Variants in SPAG16 observed in about 807,000 individuals in gnomAD.
SPAG16 encodes the protein sperm associated antigen 16.
Under a neutral mutation model 80.4 loss-of-function variants are expected in SPAG16, and 86 were observed. The observed-to-expected ratio is 1.07, with a 90% CI of 0.90 to 1.28. The LOEUF (loss-of-function observed/expected upper bound fraction) is 1.28. Among genes scored for constraint, SPAG16 ranks in the 50% most tolerant of loss-of-function variants. SPAG16 has a pLI of 0.00. For synonymous variants in SPAG16, 294 were observed against 265.9 expected (o/e 1.11, Z -1.03); for missense variants, 870 against 765.3 (o/e 1.14, Z -1.61).
intron 10 of SPAG16, among the ~76,000 whole-genome samples, chr2:213,752,179 G>A (rs886514510): frequency 1.3e-5 from 2 of 152,074 alleles, no homozygotes; most frequent in Non-Finnish European, 2.9e-5. Context: ...GACATATTCC[G>A]TTGATTTTTC....
At chr2:213,504,253 A>G (rs550447140) in intron 10 of SPAG16, among the ~76,000 whole-genome samples, 1 of 152,340 alleles carries the variant, frequency 6.6e-6, no homozygotes, top group South Asian at 2.1e-4. Context: ...CAGTGTGTAG[A>G]GAGGGAAGGA....
chr2:214,316,309 T>C (rs895704819), intron 15 of SPAG16, among the ~76,000 whole-genome samples: 2 of 152,212 alleles, frequency 1.3e-5, no homozygotes, highest in African/African-American at 4.8e-5. Context: ...GTGTCAGAGA[T>C]ACCATAAGAG....
chr2:213,455,714 C>T (rs1119235), intron 9 of SPAG16, among the ~76,000 whole-genome samples: 1 of 152,156 alleles, frequency 6.6e-6, no homozygotes, highest in African/African-American at 2.4e-5. Flanking sequence ...GGTTTGCGCT[C>T]CTGTGATAAT....
intron 10 of SPAG16, among the ~76,000 whole-genome samples, chr2:213,755,056 A>T (rs2068259406): frequency 6.6e-6 from 1 of 152,218 alleles, no homozygotes; most frequent in Non-Finnish European, 1.5e-5. Context: ...TAGGGATCAA[A>T]TGATAACAAC....
chr2:214,346,499 C>T (rs1004870265), intron 15 of SPAG16, among the ~76,000 whole-genome samples: 23 of 152,166 alleles, frequency 1.5e-4, no homozygotes, highest in African/African-American at 5.5e-4. Context: ...TATGTCCCCT[C>T]CTCTTTTCTT....
At chr2:213,700,224 A>G (rs2065345902) in intron 10 of SPAG16, among the ~76,000 whole-genome samples, 1 of 152,200 alleles carries the variant, frequency 6.6e-6, no homozygotes, top group South Asian at 2.1e-4. Context: ...CTGCTAAAAA[A>G]AAAAAACAAA....
At chr2:213,640,993 A>G (rs576076099) in intron 10 of SPAG16, among the ~76,000 whole-genome samples, 1 of 152,128 alleles carries the variant, frequency 6.6e-6, no homozygotes, top group African/African-American at 2.4e-5. Context: ...ATAGGGCTAT[A>G]GAGCTTCCAA....
intron 10 of SPAG16, among the ~76,000 whole-genome samples, chr2:213,508,614 G>A (rs1422239459): frequency 6.6e-6 from 1 of 152,126 alleles, no homozygotes; most frequent in Non-Finnish European, 1.5e-5. Context: ...CATGTCCTTT[G>A]TAGGGACATG....
chr2:213,437,862 A>C (rs2070732054), intron 9 of SPAG16, among the ~76,000 whole-genome samples: 3 of 152,322 alleles, frequency 2.0e-5, no homozygotes, highest in African/African-American at 7.2e-5. Context: ...TAATACAGTA[A>C]ATAGCTCTGT....
intron 10 of SPAG16, among the ~76,000 whole-genome samples, chr2:213,615,503 A>T (rs1327123246): frequency 6.6e-6 from 1 of 152,194 alleles, no homozygotes; most frequent in African/African-American, 2.4e-5. Flanking sequence ...AGGCAGGAAA[A>T]TCGCTTGAAC....
intron 10 of SPAG16, among the ~76,000 whole-genome samples, chr2:213,546,155 A>G (rs922228689): frequency 6.6e-6 from 1 of 152,026 alleles, no homozygotes; most frequent in African/African-American, 2.4e-5. Context: ...AGACTAGTCA[A>G]TTTCTCTACT....
intron 11 of SPAG16, among the ~76,000 whole-genome samples, chr2:213,916,150 G>A (rs768714120): frequency 2.6e-5 from 4 of 152,140 alleles, no homozygotes; most frequent in Non-Finnish European, 5.9e-5. Context: ...GGCTTTTGTT[G>A]CCATTGCTTT....
intron 10 of SPAG16, among the ~76,000 whole-genome samples, chr2:213,833,455 T>TATTATATATTATATATATAATA (rs2073804068): frequency 4.6e-4 from 1 of 2,156 alleles, no homozygotes; most frequent in African/African-American, 1.3e-3. Context: ...ATATATATAT[T>TATTATATATTATATATATAATA]ATATATATAT....
At chr2:213,741,142 A>G (rs984290867) in intron 10 of SPAG16, among the ~76,000 whole-genome samples, 1 of 152,226 alleles carries the variant, frequency 6.6e-6, no homozygotes, top group Non-Finnish European at 1.5e-5. Context: ...ATTAATCTTT[A>G]TTAAAGGTAA....
intron 10 of SPAG16, among the ~76,000 whole-genome samples, chr2:213,680,414 C>T (rs1443504695): frequency 6.8e-6 from 1 of 146,160 alleles, no homozygotes; most frequent in Non-Finnish European, 1.5e-5. Context: ...TTACGAGGAA[C>T]AAATACCTTC....
chr2:213,929,375 A>G (rs1456732031), intron 11 of SPAG16, among the ~76,000 whole-genome samples: 1 of 152,126 alleles, frequency 6.6e-6, no homozygotes, highest in East Asian at 1.9e-4. Flanking sequence ...CACTGCTTTA[A>G]GATCTACTGA....
intron 10 of SPAG16, among the ~76,000 whole-genome samples, chr2:213,705,223 G>A (rs2065688017): frequency 6.6e-6 from 1 of 152,028 alleles, no homozygotes; most frequent in Admixed American, 6.5e-5. Context: ...GCTCCAGCCT[G>A]GGCAACAGAG....
intron 13 of SPAG16, among the ~76,000 whole-genome samples, chr2:214,070,861 T>A (rs2050755120): frequency 6.6e-6 from 1 of 152,102 alleles, no homozygotes; most frequent in African/African-American, 2.4e-5. Flanking sequence ...TTCTTTTTGA[T>A]CTGTCATTGC....
chr2:213,373,518 G>A (rs2066745693), intron 8 of SPAG16, among the ~76,000 whole-genome samples: 1 of 152,112 alleles, frequency 6.6e-6, no homozygotes. Flanking sequence ...CATAAACCAT[G>A]CCCTTTTGGA....
Sources: gnomAD v4.1 joint callset for allele counts (sites outside exome capture counted in the v4.1 genomes callset) on GRCh38, gnomAD v4.1.1 for gene constraint, MANE v1.5 for transcripts, NCBI Gene and HGNC (gene_info 2026-07-23, HGNC 2026-07-21) for gene names.